Variants in AFF3 observed in about 807,000 individuals in gnomAD.
The protein encoded by AFF3 is ALF transcription elongation factor 3.
AFF3 carries 32 observed loss-of-function variants against 129.7 expected under a neutral mutation model. The ratio of observed to expected loss-of-function variants is 0.25; its 90% CI spans 0.19 to 0.33. AFF3 has a LOEUF of 0.33. Ranked by LOEUF, AFF3 falls within the 10% of genes least tolerant of loss-of-function variation. The probability of loss-of-function intolerance (pLI) is 1.00; values close to 1 mark genes in which losing one functional copy is unlikely to be tolerated. For missense variants in AFF3, 1,373 were observed against 1,592.0 expected (o/e 0.86, Z 2.34); for synonymous variants, 644 against 635.4 (o/e 1.01, Z -0.20).
intron 2 of AFF3, chr2:100,106,097 A>G (rs1280907534): frequency 3.1e-6 from 4 of 1,285,530 alleles, no homozygotes; most frequent in South Asian, 2.5e-5. Context: ...CAAAAGGCCA[A>G]TGAGACTTCT....
chr2:100,024,016 A>C (rs1371600568), intron 4 of AFF3, among the ~76,000 whole-genome samples: 41 of 138,942 alleles, frequency 3.0e-4, no homozygotes, highest in Non-Finnish European at 1.6e-5. Context: ...GCGGATCACG[A>C]GGTCAGGAGA....
intron 7 of AFF3, among the ~76,000 whole-genome samples, chr2:99,857,336 G>GT (rs1251840598): frequency 6.6e-6 from 1 of 152,142 alleles, no homozygotes; most frequent in Non-Finnish European, 1.5e-5. Flanking sequence ...GTCACAGTTT[G>GT]TTTATAAGAC....
intron 7 of AFF3, among the ~76,000 whole-genome samples, chr2:99,965,950 G>A (rs761917266): frequency 9.9e-5 from 15 of 152,152 alleles, no homozygotes; most frequent in Non-Finnish European, 1.8e-4. Flanking sequence ...CTCATGATGA[G>A]TAGAAATATA....
chr2:99,682,100 T>G (rs538262064), intron 11 of AFF3, among the ~76,000 whole-genome samples: 9 of 152,064 alleles, frequency 5.9e-5, no homozygotes, highest in African/African-American at 1.9e-4. Context: ...AGAGACAGGG[T>G]TTTGCCATGT....
At chr2:99,797,689 G>A (rs916575670) in intron 8 of AFF3, among the ~76,000 whole-genome samples, 4 of 151,938 alleles carry the variant, frequency 2.6e-5, no homozygotes, top group Non-Finnish European at 4.4e-5. Flanking sequence ...AGAGAAAGAC[G>A]AAACAGAGAT....
chr2:99,615,240 T>G (rs140252209), intron 13 of AFF3, among the ~76,000 whole-genome samples: 4 of 152,320 alleles, frequency 2.6e-5, no homozygotes, highest in African/African-American at 9.6e-5. Context: ...TAGAGGGCCC[T>G]GGAGGACGCC....
intron 13 of AFF3, among the ~76,000 whole-genome samples, chr2:99,633,092 T>G (rs1236016613): frequency 6.6e-6 from 1 of 152,130 alleles, no homozygotes; most frequent in Non-Finnish European, 1.5e-5. Context: ...ACACGCCTCT[T>G]TCCCCAAAAT....
intron 7 of AFF3, among the ~76,000 whole-genome samples, chr2:99,874,671 A>AGAAGG (rs1692149664): frequency 6.6e-6 from 1 of 152,232 alleles, no homozygotes; most frequent in Non-Finnish European, 1.5e-5. Flanking sequence ...ATCACAGGGC[A>AGAAGG]GAAGGTTGGG....
intron 7 of AFF3, among the ~76,000 whole-genome samples, chr2:99,902,980 T>C (rs1694458165): frequency 1.3e-5 from 2 of 152,188 alleles, no homozygotes; most frequent in Non-Finnish European, 2.9e-5. Flanking sequence ...ACAAAGAGCA[T>C]TCTATATTGA....
At chr2:100,111,872 A>G (rs1208905699) in intron 2 of AFF3, among the ~76,000 whole-genome samples, 1 of 152,180 alleles carries the variant, frequency 6.6e-6, no homozygotes, top group African/African-American at 2.4e-5. Context: ...TTCCCTCCAT[A>G]TCAACCCTGC....
rs183410148 is a variant in AFF3 at position 99,804,294 on chromosome 2, T to C, written c.921+33183A>G. Among the ~76,000 whole-genome samples the C allele has an allele frequency of 1.0e-3, 158 of 152,294 alleles. 1 individual carries two copies. The highest frequency in any genetic ancestry group is 3.6e-3 in the African/African-American group (150 of 41,568). ...GGCAAATGACATGAATAGACATTTT[T>C]CAAAAGAAGATACACAAATGGCCAA... On this transcript the variant is annotated intron_variant, in intron 8 of 24. Transcript: ENST00000672756.
In AFF3 at chr2:100,104,508, C is replaced by A; in HGVS notation, c.-54G>T. 2 of 1,277,658 alleles carry A rather than the reference C, an allele frequency of 1.6e-6. No individual in the cohort carries two copies. The allele number at this position is 1,277,658 out of a possible 1,614,324, so 79.1% of individuals were successfully genotyped here. ...GCTACCGCCGCCGCCGAGGCTCGGG[C>A]CGCCCGCGCGCTGCAACGAAAGGCG... On this transcript the variant is annotated 5_prime_UTR_variant, in exon 4 of 25. Coordinates refer to ENST00000672756, the MANE Select transcript of AFF3 (RefSeq NM_001386135.1).
At chr2:100,083,244 G>A (rs1689158940) in intron 4 of AFF3, among the ~76,000 whole-genome samples, 1 of 152,128 alleles carries the variant, frequency 6.6e-6, no homozygotes, top group Non-Finnish European at 1.5e-5. Flanking sequence ...CTTGCTACGA[G>A]GAAGTCTAGG....
chr2:99,758,108 G>A (rs1299269193), intron 8 of AFF3, among the ~76,000 whole-genome samples: 1 of 152,196 alleles, frequency 6.6e-6, no homozygotes, highest in African/African-American at 2.4e-5. Context: ...TCTCTGCAGT[G>A]TGTCTACCTT....
rs371773324 is a variant in AFF3 at position 99,727,115 on chromosome 2, T to C, written c.1053A>G (p.Ala351=). 1.6e-5 allele frequency: 25 copies of C among 1,610,558 alleles called. No individual in the cohort carries two copies. The African/African-American group carries it at 3.2e-4, about 21-fold the overall frequency. Residue 351 remains alanine, a synonymous_variant, in exon 11 of 25, where the codon GCA becomes GCG. Coordinates refer to ENST00000672756, the MANE Select transcript of AFF3 (RefSeq NM_001386135.1). ...TGCCATTGTCTGGACTCTCTGGCTCTGCATCACCTTTCTCTTAAAAAGGAA... is the reference window on the plus strand; with the variant it reads ...TGCCATTGTCTGGACTCTCTGGCTCCGCATCACCTTTCTCTTAAAAAGGAA... ...SGHNNPKKGD[A]EPESPDNGTS... is the part of the protein sequence containing the mutation.
At chr2:100,122,872 A>G (rs1692036472) in intron 2 of AFF3, among the ~76,000 whole-genome samples, 1 of 152,228 alleles carries the variant, frequency 6.6e-6, no homozygotes, top group South Asian at 2.1e-4. Context: ...TGTGGATCAA[A>G]CTAATTTGAC....
intron 12 of AFF3, among the ~76,000 whole-genome samples, chr2:99,664,832 G>C (rs1686535924): frequency 6.6e-6 from 1 of 152,156 alleles, no homozygotes; most frequent in South Asian, 2.1e-4. Context: ...CAGTTTAGCT[G>C]GTGTAGACAG....
chr2:99,948,636 T>C (rs1207599467), intron 7 of AFF3, among the ~76,000 whole-genome samples: 1 of 152,170 alleles, frequency 6.6e-6, no homozygotes, highest in South Asian at 2.1e-4. Flanking sequence ...TCATCCTCCT[T>C]GCCTAATTCT....
At chr2:99,588,240 G>A (rs936457742) in intron 15 of AFF3, among the ~76,000 whole-genome samples, 2 of 152,132 alleles carry the variant, frequency 1.3e-5, no homozygotes, top group African/African-American at 2.4e-5. Context: ...GCAGTGGTGC[G>A]ATCATGGCTC....
Sources: allele counts gnomAD v4.1 joint callset (sites outside exome capture counted in the v4.1 genomes callset), GRCh38; gene constraint gnomAD v4.1.1; transcripts MANE v1.5; gene names NCBI Gene and HGNC (gene_info 2026-07-23, HGNC 2026-07-21).